The following AIMP1 variants were observed in gnomAD, a reference collection of about 807,000 sequenced individuals.
AIMP1 encodes the protein aminoacyl tRNA synthetase complex interacting multifunctional protein 1, also known as aminoacyl tRNA synthase complex-interacting multifunctional protein 1.
In AIMP1, 24 loss-of-function variants were observed where a neutral mutation model predicts 33.1. The ratio of observed to expected loss-of-function variants is 0.73; its 90% CI spans 0.53 to 1.02. AIMP1 has a LOEUF of 1.02. AIMP1 is among the 50% of genes least tolerant of loss of function. AIMP1 has a pLI of 0.00. For missense variants in AIMP1, 367 were observed against 364.8 expected (o/e 1.01, Z -0.05); for synonymous variants, 120 against 121.5 (o/e 0.99, Z 0.08).
In AIMP1 at chr4:106,328,589, T is replaced by C. The variant is rs1039481862; in HGVS notation, c.391+346T>C. Among the ~76,000 whole-genome samples the C allele has an allele frequency of 1.2e-4, 19 of 152,294 alleles. No homozygotes were observed. The South Asian group carries it at 2.1e-3, about 17-fold the overall frequency. On this transcript the variant is annotated intron_variant, in intron 4 of 6. Transcript: ENST00000672341. ...GAGAAGTCACAGATAGGAAACTAGC[T>C]TAGGACCAGTTGTGAAGATAGGAAA...
intron 1 of AIMP1, among the ~76,000 whole-genome samples, chr4:106,321,710 A>G (rs1365999805): frequency 1.3e-5 from 2 of 152,236 alleles, no homozygotes; most frequent in Admixed American, 6.5e-5. Flanking sequence ...CCAACAGCTC[A>G]TTGAGAACGG....
At chr4:106,325,234 T>C in intron 2 of AIMP1, 116 bp downstream of exon 2, 2 of 1,005,320 alleles carry the variant, frequency 2.0e-6, no homozygotes, top group Non-Finnish European at 2.9e-6. Context: ...GTTTCTGTTA[T>C]ATGTAGAAAA....
At chr4:106,328,495 G>T (rs751650485) in intron 4 of AIMP1, among the ~76,000 whole-genome samples, 1 of 152,098 alleles carries the variant, frequency 6.6e-6, no homozygotes, top group Non-Finnish European at 1.5e-5. Context: ...GACTGTAAAG[G>T]TTAAGTGTAG....
Position 106,347,909 on chromosome 4 carries a change from C to T in AIMP1, c.*217C>T. 2 of 391,270 alleles carry T rather than the reference C, an allele frequency of 5.1e-6. No individual in the cohort carries two copies. The highest frequency in any genetic ancestry group is 9.0e-6 in the Non-Finnish European group (2 of 222,008). 24.2% of individuals were successfully genotyped at this position (391,270 alleles called of 1,614,324 possible). On this transcript the variant is annotated 3_prime_UTR_variant, in exon 7 of 7. Coordinates refer to ENST00000672341, the MANE Select transcript of AIMP1 (RefSeq NM_001142416.2). Reference sequence around the variant, plus strand: ...CATTTATAATGGAGAGAGGAAGTTGCCTATGTTTTGTAATAATTTATTTTT... The same window carrying T: ...CATTTATAATGGAGAGAGGAAGTTGTCTATGTTTTGTAATAATTTATTTTT...
At chr4:106,320,714 G>T (rs1006899361) in intron 1 of AIMP1, among the ~76,000 whole-genome samples, 1 of 151,918 alleles carries the variant, frequency 6.6e-6, no homozygotes, top group Non-Finnish European at 1.5e-5. Flanking sequence ...GTGAAATCAG[G>T]TACAAGTAAT....
At chr4:106,324,066 A>G (rs1769370349) in intron 1 of AIMP1, among the ~76,000 whole-genome samples, 1 of 152,074 alleles carries the variant, frequency 6.6e-6, no homozygotes, top group African/African-American at 2.4e-5. Flanking sequence ...GATTGGTATT[A>G]TATAATAATT....
At chr4:106,347,138 C>T (rs539382626) in intron 6 of AIMP1, among the ~76,000 whole-genome samples, 1 of 152,098 alleles carries the variant, frequency 6.6e-6, no homozygotes, top group African/African-American at 2.4e-5. Flanking sequence ...ATCCAATCAC[C>T]TCCACCAGGC....
intron 4 of AIMP1, among the ~76,000 whole-genome samples, chr4:106,329,008 T>C (rs1246968925): frequency 2.0e-5 from 3 of 152,032 alleles, no homozygotes; most frequent in Middle Eastern, 3.2e-3. Context: ...TATAAATAAT[T>C]ATGAATATTT....
chr4:106,340,174 T>G (rs1402626845), intron 6 of AIMP1, among the ~76,000 whole-genome samples: 1 of 152,064 alleles, frequency 6.6e-6, no homozygotes, highest in Non-Finnish European at 1.5e-5. Flanking sequence ...TAGAATTAGG[T>G]AAAAGAACAA....
chr4:106,324,668 C>T (rs957708032), intron 1 of AIMP1, among the ~76,000 whole-genome samples: 8 of 151,962 alleles, frequency 5.3e-5, no homozygotes, highest in Non-Finnish European at 1.2e-4. Context: ...AGCATAGTTA[C>T]GGTTATTGTT....
At chr4:106,324,886 T>C (rs1769400939) in intron 1 of AIMP1, 99 bp from the exon 2 acceptor site, 1 of 954,122 alleles carries the variant, frequency 1.0e-6, no homozygotes, top group Non-Finnish European at 1.5e-6. Flanking sequence ...TCTATTACAG[T>C]AGAAAATGTT....
At position 106,349,422 on chromosome 4, in the gene AIMP1, A is replaced by T. The variant is rs760209003; in HGVS notation, c.*1730A>T. 5.3e-5 allele frequency among the ~76,000 whole-genome samples: 8 copies of T among 152,096 alleles called. No individual in the cohort carries two copies. The highest frequency in any genetic ancestry group is 1.2e-4 in the Non-Finnish European group (8 of 68,006). On this transcript the variant is annotated 3_prime_UTR_variant, in exon 7 of 7. Transcript: ENST00000672341. ...ATTAAATCGTTCATCAAACCTAGAG[A>T]TAATAAAAACTATTGGTCTTTTGTT...
Position 106,325,147 on chromosome 4 carries a change from A to T in AIMP1, c.109+29A>T, listed in dbSNP as rs769460095. On this transcript the variant is annotated intron_variant, in intron 2 of 6. Coordinates refer to ENST00000672341, the MANE Select transcript of AIMP1 (RefSeq NM_001142416.2). ...AGAAAATTTAAAATTTTTTGAGGAG[A>T]TACTTAAAATGAATTCATACATTGA... 17 of 1,568,482 alleles carry T rather than the reference A, an allele frequency of 1.1e-5. No individual in the cohort carries two copies. In the East Asian group the frequency reaches 3.9e-4, roughly 36 times the overall value.
rs1561036213 is a variant in AIMP1, at chr4:106,348,903, A to G, written c.*1211A>G. On this transcript the variant is annotated 3_prime_UTR_variant, in exon 7 of 7. Transcript: ENST00000672341. ...TTTAAAAATACACACATGCACACAC[A>G]CACAAAACATTTTAGCATTATAGCT... 1 of 152,176 alleles carries G rather than the reference A, an allele frequency of 6.6e-6. No individual in the cohort carries two copies. Among genetic ancestry groups the G allele is most frequent in the Non-Finnish European group, 1.5e-5 (1 of 68,030 alleles). 9.4% of individuals were successfully genotyped at this position (152,176 alleles called of 1,614,324 possible).
chr4:106,337,130 G>T, intron 6 of AIMP1, 93 bp downstream of exon 6: 1 of 1,174,116 alleles, frequency 8.5e-7, no homozygotes, highest in South Asian at 1.2e-5. Flanking sequence ...TCCTGTGTAA[G>T]AATCATGAGT....
intron 3 of AIMP1, among the ~76,000 whole-genome samples, chr4:106,327,769 A>C (rs1769509423): frequency 6.6e-6 from 1 of 152,176 alleles, no homozygotes; most frequent in East Asian, 1.9e-4. Flanking sequence ...ATTTGTATAA[A>C]GCATTTTGAA....
rs1770411172 is a variant in AIMP1, at chr4:106,349,368, A to C, written c.*1676A>C. 1.3e-5 allele frequency: 2 copies of C among 151,984 alleles called. No individual in the cohort carries two copies. The highest frequency in any genetic ancestry group is 6.6e-5 in the Admixed American group (1 of 15,256). The allele number at this position is 151,984 out of a possible 1,614,324, so 9.4% of individuals were successfully genotyped here. A position where few individuals can be genotyped will look rare whatever the true frequency, so the allele number is the denominator to read the frequency against. ...ACTGTACCCCAGATCAAATTATCTA[A>C]TGTTTTGTTAGTGAAACCTAAACTG... On this transcript the variant is annotated 3_prime_UTR_variant, in exon 7 of 7. Coordinates refer to ENST00000672341, the MANE Select transcript of AIMP1 (RefSeq NM_001142416.2).
At chr4:106,336,248 G>C (rs542220585) in intron 5 of AIMP1, among the ~76,000 whole-genome samples, 1 of 145,378 alleles carries the variant, frequency 6.9e-6, no homozygotes, top group African/African-American at 2.5e-5. Context: ...GCCCATGCTG[G>C]TCTCGAAAAA....
intron 2 of AIMP1, among the ~76,000 whole-genome samples, chr4:106,326,738 C>CT (rs1350027253): frequency 1.3e-5 from 2 of 151,340 alleles, no homozygotes; most frequent in Non-Finnish European, 2.9e-5. Flanking sequence ...TAATGCTTCT[C>CT]TTTTTTTTCA....
Sources: allele counts gnomAD v4.1 joint callset (sites outside exome capture counted in the v4.1 genomes callset), GRCh38; gene constraint gnomAD v4.1.1; transcripts MANE v1.5; gene names NCBI Gene and HGNC (gene_info 2026-07-23, HGNC 2026-07-21).